Variants in PAK2 observed in about 807,000 individuals in gnomAD.
The protein encoded by PAK2 is p21 (RAC1) activated kinase 2, also known as serine/threonine-protein kinase PAK 2.
Under a neutral mutation model 65.9 loss-of-function variants are expected in PAK2, and 21 were observed. The observed-to-expected ratio is 0.32, with a 90% CI of 0.23 to 0.46. The LOEUF (loss-of-function observed/expected upper bound fraction) is 0.46, where lower values mean the gene tolerates loss of function less well. Among genes scored for constraint, PAK2 ranks in the 20% least tolerant of loss-of-function variants. The probability of loss-of-function intolerance (pLI) is 1.00; values close to 1 mark genes in which losing one functional copy is unlikely to be tolerated. For synonymous variants in PAK2, 204 were observed against 219.7 expected (o/e 0.93, Z 0.63); for missense variants, 324 against 642.6 (o/e 0.50, Z 5.36).
chr3:196,790,710 TC>T (rs980742445), intron 2 of PAK2, among the ~76,000 whole-genome samples: 2 of 152,166 alleles, frequency 1.3e-5, no homozygotes, highest in African/African-American at 4.8e-5. Flanking sequence ...ACTTACAGAC[TC>T]CCAGGAGAGT....
chr3:196,782,311 AAAG>A (rs966635866), intron 1 of PAK2, among the ~76,000 whole-genome samples: 1 of 152,000 alleles, frequency 6.6e-6, no homozygotes, highest in Non-Finnish European at 1.5e-5. Context: ...AAAAAAAAAA[AAAG>A]ATTTCATGTT....
Position 196,820,394 on chromosome 3 carries a change from A to T in PAK2, c.1177A>T (p.Ile393Phe). ...AGCTGACTTTGGTTTCTGTGCCCAG[A>T]TCACCCCTGAGCAGAGCAAACGCAG... ...KLTDFGFCAQ[I>F]TPEQSKRSTM... Residue 393 changes from isoleucine to phenylalanine, a missense_variant, in exon 13 of 15, where the codon ATC (isoleucine) becomes TTC (phenylalanine). Ile to Phe is a conservative substitution (Grantham distance 21). Transcript: ENST00000327134. The surrounding 1 kb of genome is among the most constrained non-coding windows in gnomAD (Gnocchi z 4.6). The T allele has an allele frequency of 6.3e-7, 1 of 1,586,400 alleles. No homozygotes were observed. Among genetic ancestry groups the T allele is most frequent in the Non-Finnish European group, 8.6e-7 (1 of 1,166,098 alleles).
At chr3:196,772,001 C>T (rs996841010) in intron 1 of PAK2, among the ~76,000 whole-genome samples, 25 of 152,068 alleles carry the variant, frequency 1.6e-4, no homozygotes, top group African/African-American at 5.8e-4. Flanking sequence ...ATTGAAAGTT[C>T]TGTATGGTGT....
chr3:196,831,423 A>C lies in PAK2; in HGVS notation c.*3018A>C, dbSNP rs1283295364. The C allele has an allele frequency of 1.3e-5, 2 of 152,174 alleles. No homozygotes were observed. Among genetic ancestry groups the C allele is most frequent in the Non-Finnish European group, 2.9e-5 (2 of 68,032 alleles). 9.4% of individuals were successfully genotyped at this position (152,174 alleles called of 1,614,324 possible). ...GAAACTATGAAACATGGAACATTTTATCCTACCTGAAAGTAAACGAGTAAT... is the reference window on the plus strand; with the variant it reads ...GAAACTATGAAACATGGAACATTTTCTCCTACCTGAAAGTAAACGAGTAAT... On this transcript the variant is annotated 3_prime_UTR_variant, in exon 15 of 15. Coordinates refer to ENST00000327134, the MANE Select transcript of PAK2 (RefSeq NM_002577.4).
intron 1 of PAK2, among the ~76,000 whole-genome samples, chr3:196,758,552 TAGAC>T (rs1382003820): frequency 2.0e-5 from 3 of 152,224 alleles, no homozygotes; most frequent in African/African-American, 7.2e-5. Context: ...TCTAGAAAGT[TAGAC>T]AGGAGCCTGA....
intron 1 of PAK2, among the ~76,000 whole-genome samples, chr3:196,781,237 A>G (rs908396298): frequency 6.6e-6 from 1 of 152,270 alleles, no homozygotes; most frequent in Non-Finnish European, 1.5e-5. Context: ...TCTTAGAATC[A>G]AATTAAGATC....
At chr3:196,751,158 C>T (rs1319241653) in intron 1 of PAK2, among the ~76,000 whole-genome samples, 4 of 152,122 alleles carry the variant, frequency 2.6e-5, no homozygotes, top group African/African-American at 2.4e-5. Context: ...GTGTCTCGCT[C>T]ATTATTTCAT....
chr3:196,742,857 T>C (rs1190405793), intron 1 of PAK2, among the ~76,000 whole-genome samples: 1 of 152,194 alleles, frequency 6.6e-6, no homozygotes, highest in African/African-American at 2.4e-5. Flanking sequence ...GAGGCGGAGC[T>C]TGCAGTGAGT....
chr3:196,780,102 G>A (rs1001304996), intron 1 of PAK2, among the ~76,000 whole-genome samples: 8 of 152,308 alleles, frequency 5.3e-5, no homozygotes, highest in Admixed American at 2.6e-4. Flanking sequence ...AACAAATCCC[G>A]CATGATGTCA....
chr3:196,826,923 CA>C (rs553157061), intron 13 of PAK2, among the ~76,000 whole-genome samples: 2 of 147,392 alleles, frequency 1.4e-5, no homozygotes, highest in Non-Finnish European at 3.0e-5. Context: ...TCCGTCTCAA[CA>C]AAAAAAAACA....
At position 196,828,535 on chromosome 3, in the gene PAK2, A is replaced by G. The variant is rs1711959859; in HGVS notation, c.*130A>G. Reference sequence around the variant, plus strand: ...ACCTGAATGAAAGAAGCAAATGACTATTCTCTGAAGACAACCAAGAGAAAA... The same window carrying G: ...ACCTGAATGAAAGAAGCAAATGACTGTTCTCTGAAGACAACCAAGAGAAAA... On this transcript the variant is annotated 3_prime_UTR_variant, in exon 15 of 15. Transcript: ENST00000327134. The G allele has an allele frequency of 5.9e-6, 4 of 677,760 alleles. No homozygotes were observed. The highest frequency in any genetic ancestry group is 1.8e-5 in the South Asian group (1 of 57,116). The allele number at this position is 677,760 out of a possible 1,614,324, so 42.0% of individuals were successfully genotyped here.
At chr3:196,761,720 C>G (rs1713972058) in intron 1 of PAK2, among the ~76,000 whole-genome samples, 1 of 143,360 alleles carries the variant, frequency 7.0e-6, no homozygotes, top group Non-Finnish European at 1.5e-5. Context: ...TCCTCACTTC[C>G]CAGTAGGGGC....
At chr3:196,822,363 G>T (rs927426112) in intron 13 of PAK2, among the ~76,000 whole-genome samples, 1 of 152,172 alleles carries the variant, frequency 6.6e-6, no homozygotes, top group Non-Finnish European at 1.5e-5. Context: ...ACTGAGACTG[G>T]CAGGAAGGAG....
At chr3:196,759,009 A>G (rs982804612) in intron 1 of PAK2, among the ~76,000 whole-genome samples, 2 of 152,062 alleles carry the variant, frequency 1.3e-5, no homozygotes, top group African/African-American at 4.8e-5. Context: ...TTATTCTCGT[A>G]TTTTTCTGTC....
In PAK2 at chr3:196,827,228, A is replaced by G. The variant is rs1711907703; in HGVS notation, c.1383A>G (p.Pro461=). The G allele has an allele frequency of 6.2e-7, 1 of 1,609,452 alleles. No individual in the cohort carries two copies. Among genetic ancestry groups the G allele is most frequent in the African/African-American group, 1.3e-5 (1 of 74,808 alleles). The stretch of plus-strand genomic sequence containing the variant: ...ACCTAATAGCAACTAATGGAACCCC[A>G]GAACTTCAGAATCCAGAGAAACTTT... The part of the protein sequence containing the change: ...ALYLIATNGT[P]ELQNPEKLSP... Residue 461 remains proline, a synonymous_variant, in exon 14 of 15, where the codon CCA becomes CCG. Coordinates refer to ENST00000327134, the MANE Select transcript of PAK2 (RefSeq NM_002577.4).
rs1037189709 is a variant in PAK2 at position 196,804,832 on chromosome 3, T to C, written c.437-520T>C. On this transcript the variant is annotated intron_variant, in intron 4 of 14. Transcript: ENST00000327134. Reference sequence around the variant, plus strand: ...ATATATATATATATATATACACATATATATATATATATACACACACACATA... The same window carrying C: ...ATATATATATATATATATACACATACATATATATATATACACACACACATA... Among the ~76,000 whole-genome samples the C allele has an allele frequency of 9.4e-3, 752 of 80,404 alleles. 9 individuals carry two copies. The highest frequency in any genetic ancestry group is 0.032 in the African/African-American group (697 of 21,606). 52.7% of individuals were successfully genotyped at this position (80,404 alleles called of 152,430 possible).
intron 3 of PAK2, 105 bp from the exon 4 acceptor site, chr3:196,802,912 A>T (rs771811288): frequency 1.5e-6 from 1 of 673,806 alleles, no homozygotes; most frequent in Non-Finnish European, 2.4e-6. Context: ...TCAAACCTAC[A>T]CTCAAAAGAT....
chr3:196,742,686 G>T (rs1337962217), intron 1 of PAK2, among the ~76,000 whole-genome samples: 1 of 152,016 alleles, frequency 6.6e-6, no homozygotes, highest in Non-Finnish European at 1.5e-5. Flanking sequence ...AGGCCGAGGC[G>T]GGCGGATCAC....
At chr3:196,824,386 C>T (rs1206231324) in intron 13 of PAK2, among the ~76,000 whole-genome samples, 1 of 152,174 alleles carries the variant, frequency 6.6e-6, no homozygotes, top group Non-Finnish European at 1.5e-5. Context: ...CAGGCAGATG[C>T]AGCCCATAAT....
Sources: allele counts gnomAD v4.1 joint callset (sites outside exome capture counted in the v4.1 genomes callset), GRCh38; gene constraint gnomAD v4.1.1; non-coding constraint Gnocchi (gnomAD v3.1); transcripts MANE v1.5; gene names NCBI Gene and HGNC (gene_info 2026-07-23, HGNC 2026-07-21).